Variants in BTAF1 observed in about 807,000 individuals in gnomAD.
BTAF1 encodes TATA-binding protein-associated factor 172.
BTAF1 carries 38 observed loss-of-function variants against 227.1 expected under a neutral mutation model. That is an observed-to-expected ratio of 0.17 (90% CI 0.13 to 0.22). BTAF1 has a LOEUF of 0.22. BTAF1 is among the 10% of genes least tolerant of loss of function. The pLI is 1.00. For missense variants in BTAF1, 1,598 were observed against 2,204.0 expected, an observed-to-expected ratio of 0.73 and a Z score of 5.51; for synonymous variants, 742 against 751.9, an observed-to-expected ratio of 0.99 and a Z score of 0.21.
At chr10:91,993,642 T>C in intron 21 of BTAF1, 52 bp from the exon 22 acceptor site, 2 of 1,295,254 alleles carry the variant, frequency 1.5e-6, no homozygotes, top group Non-Finnish European at 2.0e-6. Flanking sequence ...AAATTTTAAA[T>C]GTATTATGAT....
At chr10:92,008,791 TATG>T (rs1479110153) in intron 26 of BTAF1, 35 bp from the exon 27 acceptor site, 1 of 1,507,480 alleles carries the variant, frequency 6.6e-7, no homozygotes, top group South Asian at 1.3e-5. Context: ...AAAATAAATT[TATG>T]ATGTATTCAC....
chr10:91,959,324 T>A (rs1218838446), intron 9 of BTAF1, 170 bp downstream of exon 9: 12 of 1,388,510 alleles, frequency 8.6e-6, no homozygotes, highest in Non-Finnish European at 2.8e-6. Context: ...GTAAGATGAA[T>A]AAGAGGCTAG....
At position 91,946,921 on chromosome 10, in the gene BTAF1, C is replaced by G. The variant is rs1845408473; in HGVS notation, c.400+4353C>G. Among the ~76,000 whole-genome samples, 5 of 151,814 alleles carry G rather than the reference C, an allele frequency of 3.3e-5. No homozygotes were observed. The South Asian group carries it at 1.0e-3, about 32-fold the overall frequency. On this transcript the variant is annotated intron_variant, in intron 4 of 37. Coordinates refer to ENST00000265990, the MANE Select transcript of BTAF1 (RefSeq NM_003972.3). ...GTGGTGTGATCTCTGCTCACTGCAA[C>G]CTCCACCTCCTGAGTTCAAATGATT...
At chr10:91,983,408 A>T (rs1848195318) in intron 18 of BTAF1, among the ~76,000 whole-genome samples, 1 of 152,212 alleles carries the variant, frequency 6.6e-6, no homozygotes, top group Non-Finnish European at 1.5e-5. Flanking sequence ...GTTACTTGTT[A>T]CTGCCTGTTA....
intron 11 of BTAF1, among the ~76,000 whole-genome samples, chr10:91,961,326 A>G (rs1212461976): frequency 2.6e-5 from 4 of 152,208 alleles, no homozygotes; most frequent in Non-Finnish European, 4.4e-5. Context: ...ACTATCCATT[A>G]TGGCTACTTA....
intron 3 of BTAF1, 91 bp from the exon 4 acceptor site, chr10:91,942,331 T>TGTGTGTG: frequency 2.2e-6 from 2 of 924,952 alleles, no homozygotes; most frequent in Non-Finnish European, 3.3e-6. Context: ...TGTGTGTGTG[T>TGTGTGTG]AACCCATGCA....
intron 14 of BTAF1, among the ~76,000 whole-genome samples, chr10:91,976,283 C>T (rs1847684383): frequency 6.6e-6 from 1 of 152,182 alleles, no homozygotes; most frequent in Non-Finnish European, 1.5e-5. Flanking sequence ...CCACCCTCAG[C>T]ACCTCTGTGC....
In BTAF1 at chr10:92,008,338, G is replaced by GC. The variant is rs1554864855; in HGVS notation, c.3813+63_3813+64insC. The GC allele has an allele frequency of 2.3e-5, 31 of 1,328,460 alleles. No homozygotes were observed. In the African/African-American group the frequency reaches 4.2e-4, roughly 18 times the overall value. 82.3% of individuals were successfully genotyped at this position (1,328,460 alleles called of 1,614,324 possible). On this transcript the variant is annotated intron_variant, in intron 26 of 37. Coordinates refer to ENST00000265990, the MANE Select transcript of BTAF1 (RefSeq NM_003972.3). Reference sequence around the variant, plus strand: ...AACCTTGAAGCGTTGTGGGTTTGTTGGGGGGGGCTTTTGTTTCTTTTTTGA... The same window carrying GC: ...AACCTTGAAGCGTTGTGGGTTTGTTGCGGGGGGGCTTTTGTTTCTTTTTTGA...
Position 91,982,767 on chromosome 10 carries a change from A to AT in BTAF1, c.2223+10dup, listed in dbSNP as rs1564692973. On this transcript the variant is annotated splice_region_variant and intron_variant, in intron 18 of 37. Transcript: ENST00000265990. Reference sequence around the variant, plus strand: ...AATGGGCTGCTTTACAAAAGGTAAGATTTTGCCCCAAAAGTAATAAAGACA... The same window carrying AT: ...AATGGGCTGCTTTACAAAAGGTAAGATTTTTGCCCCAAAAGTAATAAAGACA... 2.5e-6 allele frequency: 4 copies of AT among 1,592,432 alleles called. No homozygotes were observed. The South Asian group carries it at 4.6e-5, about 18-fold the overall frequency.
chr10:91,937,809 A>G (rs374009139), intron 2 of BTAF1, among the ~76,000 whole-genome samples: 1 of 152,152 alleles, frequency 6.6e-6, no homozygotes, highest in Non-Finnish European at 1.5e-5. Flanking sequence ...TATACCTGAG[A>G]GTAGAATTAC....
chr10:92,027,246 T>A lies in BTAF1; in HGVS notation c.5352T>A (p.Ser1784=), dbSNP rs925476473. 2.5e-6 allele frequency: 4 copies of A among 1,613,938 alleles called. No homozygotes were observed. Among genetic ancestry groups the A allele is most frequent in the Non-Finnish European group, 3.4e-6 (4 of 1,179,966 alleles). ...ATACTGTTATTAGCCAAGAGAATTC[T>A]AGTTTGCAGAGCATGGGGACTGATC... ...IANTVISQEN[S]SLQSMGTDQL... The change falls in exon 37 of 38, where the codon TCT becomes TCA. Residue 1784 remains serine (S), a synonymous_variant. Transcript: ENST00000265990.
At position 92,030,658 on chromosome 10, in the gene BTAF1, A is replaced by T. The variant is rs924823982; in HGVS notation, c.*1725A>T. On this transcript the variant is annotated 3_prime_UTR_variant, in exon 38 of 38. Coordinates refer to ENST00000265990, the MANE Select transcript of BTAF1 (RefSeq NM_003972.3). ...TGTCAGATAGAGCTAGAAGTCAGAT[A>T]TTTAGGCTGTTTAAACTTTCTGAGA... Among the ~76,000 whole-genome samples the T allele has an allele frequency of 2.0e-5, 3 of 152,148 alleles. No homozygotes were observed. The highest frequency in any genetic ancestry group is 7.2e-5 in the African/African-American group (3 of 41,452).
rs925476473 is a variant in BTAF1 at position 92,027,246 on chromosome 10, T to C, written c.5352T>C (p.Ser1784=). The change falls in exon 37 of 38, where the codon TCT becomes TCC. Residue 1784 remains serine, a synonymous_variant. Coordinates refer to ENST00000265990, the MANE Select transcript of BTAF1 (RefSeq NM_003972.3). ...ATACTGTTATTAGCCAAGAGAATTC[T>C]AGTTTGCAGAGCATGGGGACTGATC... ...IANTVISQEN[S]SLQSMGTDQL... is the part of the protein sequence containing the mutation. 4 of 1,614,056 alleles carry C rather than the reference T, an allele frequency of 2.5e-6. No homozygotes were observed. In the East Asian group the frequency reaches 8.9e-5, roughly 36 times the overall value.
Position 91,997,629 on chromosome 10 carries a change from A to G in BTAF1, c.3538A>G (p.Ile1180Val). 1 of 1,613,430 alleles carries G rather than the reference A, an allele frequency of 6.2e-7. No individual in the cohort carries two copies. The highest frequency in any genetic ancestry group is 8.5e-7 in the Non-Finnish European group (1 of 1,179,402). The stretch of plus-strand genomic sequence containing the variant: ...TGTAATGGAACAACTAGATGTTGGT[A>G]TTGTTCCATATATTGTCCTTTTAGT... Reference protein sequence around the residue: ...ACVMEQLDVGIVPYIVLLVVP... With the variant: ...ACVMEQLDVGVVPYIVLLVVP... The change falls in exon 25 of 38, where the codon ATT (isoleucine) becomes GTT (valine). Residue 1180 changes from isoleucine (I) to valine (V), a missense_variant. By Grantham distance (29) the Ile-to-Val change is conservative. Coordinates refer to ENST00000265990, the MANE Select transcript of BTAF1 (RefSeq NM_003972.3).
At chr10:91,944,305 T>TA (rs760723343) in intron 4 of BTAF1, among the ~76,000 whole-genome samples, 1 of 152,362 alleles carries the variant, frequency 6.6e-6, no homozygotes, top group South Asian at 2.1e-4. Flanking sequence ...AGGTTTTCTT[T>TA]AAATGTTGAT....
intron 7 of BTAF1, 125 bp downstream of exon 7, chr10:91,956,782 A>G (rs757608245): frequency 2.0e-6 from 2 of 1,001,552 alleles, no homozygotes; most frequent in East Asian, 5.3e-5. Context: ...CGAGGTCAGG[A>G]GCTTGAGACC....
At chr10:91,992,940 T>G (rs1589905080) in intron 21 of BTAF1, among the ~76,000 whole-genome samples, 1 of 152,010 alleles carries the variant, frequency 6.6e-6, no homozygotes. Flanking sequence ...AATGCTCTAG[T>G]TAGTTCTTTG....
At chr10:92,023,843 C>T (rs1021503187) in intron 34 of BTAF1, among the ~76,000 whole-genome samples, 15 of 152,044 alleles carry the variant, frequency 9.9e-5, no homozygotes, top group Admixed American at 2.0e-4. Flanking sequence ...CATGTTGGCC[C>T]GGCTGGTCTC....
chr10:91,940,321 T>C (rs77900121), intron 3 of BTAF1, among the ~76,000 whole-genome samples: 129 of 152,272 alleles, frequency 8.5e-4, no homozygotes, highest in Non-Finnish European at 1.6e-3. Flanking sequence ...ACAAGGGTTA[T>C]TACTTCCCTT....
Sources: allele counts gnomAD v4.1 joint callset (sites outside exome capture counted in the v4.1 genomes callset), GRCh38; gene constraint gnomAD v4.1.1; transcripts MANE v1.5; gene names NCBI Gene and HGNC (gene_info 2026-07-23, HGNC 2026-07-21).